The following RELCH variants were observed in gnomAD, a reference collection of about 807,000 sequenced individuals.
RELCH encodes RAB11 binding and LisH domain, coiled-coil and HEAT repeat containing, also known as RAB11-binding protein RELCH.
Under a neutral mutation model 150.3 loss-of-function variants are expected in RELCH, and 41 were observed. That is an observed-to-expected ratio of 0.27 (90% CI 0.21 to 0.35). The LOEUF (loss-of-function observed/expected upper bound fraction) is 0.35, where lower values mean the gene tolerates loss of function less well. Among genes scored for constraint, RELCH ranks in the 10% least tolerant of loss-of-function variants. The pLI, the probability that RELCH is intolerant of heterozygous loss-of-function variation, is 1.00. For missense variants in RELCH, 1,092 were observed against 1,467.8 expected (o/e 0.74, Z 4.18); for synonymous variants, 478 against 531.8 (o/e 0.90, Z 1.39).
At chr18:62,297,564 T>C (rs2045472092) in intron 27 of RELCH, among the ~76,000 whole-genome samples, 1 of 151,254 alleles carries the variant, frequency 6.6e-6, no homozygotes, top group Non-Finnish European at 1.5e-5. Context: ...GACAAGAGAG[T>C]GGGGAAGCAG....
intron 5 of RELCH, among the ~76,000 whole-genome samples, chr18:62,225,848 T>C (rs2041184959): frequency 6.6e-6 from 1 of 151,964 alleles, no homozygotes; most frequent in Admixed American, 6.6e-5. Flanking sequence ...GGCCAAGCAC[T>C]GTGTTAAGGC....
intron 26 of RELCH, among the ~76,000 whole-genome samples, 158 bp from the exon 27 acceptor site, chr18:62,291,385 A>G (rs1045982577): frequency 6.6e-6 from 1 of 152,202 alleles, no homozygotes; most frequent in Non-Finnish European, 1.5e-5. Context: ...TACTCTGCAA[A>G]TGAGGATTCA....
intron 10 of RELCH, 74 bp downstream of exon 10, chr18:62,232,501 T>G: frequency 1.2e-6 from 1 of 864,200 alleles, no homozygotes; most frequent in Non-Finnish European, 1.9e-6. Context: ...TGAAGTTGAG[T>G]GTTATATTTT....
chr18:62,237,145 A>G (rs1157541192), intron 10 of RELCH, among the ~76,000 whole-genome samples: 1 of 151,826 alleles, frequency 6.6e-6, no homozygotes, highest in Non-Finnish European at 1.5e-5. Flanking sequence ...TGTTGTAGTC[A>G]GAGAAATATT....
chr18:62,238,165 T>C (rs1465016573), intron 10 of RELCH, among the ~76,000 whole-genome samples: 3 of 151,906 alleles, frequency 2.0e-5, no homozygotes, highest in Admixed American at 6.6e-5. Context: ...TTTGAAATAA[T>C]GGTAGTCTCT....
rs149214989 is a variant in RELCH at position 62,205,158 on chromosome 18, C to T, written c.527-5995C>T. Among the ~76,000 whole-genome samples the T allele has an allele frequency of 2.6e-3, 400 of 152,218 alleles. 4 individuals carry two copies. The highest frequency in any genetic ancestry group is 8.0e-3 in the African/African-American group (333 of 41,538). ...TCAAATTAAGTTGCACATATCAGTA[C>T]GCTTAATACTTTATCATGCATGTCA... On this transcript the variant is annotated intron_variant, in intron 1 of 28. Coordinates refer to ENST00000644646, the MANE Select transcript of RELCH (RefSeq NM_001346231.2).
chr18:62,301,066 A>C (rs1174136670), intron 28 of RELCH: 1 of 152,236 alleles, frequency 6.6e-6, no homozygotes, highest in Admixed American at 6.5e-5. Flanking sequence ...AATGGTTCCA[A>C]GGATAAAGGA....
intron 12 of RELCH, 75 bp from the exon 13 acceptor site, chr18:62,255,332 G>C: frequency 1.0e-6 from 1 of 993,554 alleles, no homozygotes; most frequent in Non-Finnish European, 1.6e-6. Context: ...AGGATTTGTG[G>C]TGAAATGTAA....
chr18:62,293,807 C>G (rs1006333852), intron 27 of RELCH, among the ~76,000 whole-genome samples: 2 of 152,062 alleles, frequency 1.3e-5, no homozygotes, highest in African/African-American at 4.8e-5. Context: ...ATATGCCCCT[C>G]CCTAATCATG....
chr18:62,205,262 T>C (rs2039703796), intron 1 of RELCH, among the ~76,000 whole-genome samples: 2 of 152,214 alleles, frequency 1.3e-5, no homozygotes, highest in African/African-American at 4.8e-5. Context: ...AAATCTTAAG[T>C]GTACCATTTG....
chr18:62,300,072 T>C (rs2045596609), intron 28 of RELCH: 1 of 152,236 alleles, frequency 6.6e-6, no homozygotes, highest in Non-Finnish European at 1.5e-5. Context: ...CTTCAATCCA[T>C]AGATAGAATG....
intron 1 of RELCH, among the ~76,000 whole-genome samples, chr18:62,194,253 C>A (rs909073737): frequency 7.2e-5 from 11 of 152,032 alleles, no homozygotes; most frequent in Admixed American, 3.9e-4. Flanking sequence ...TCAAAAAAAA[C>A]CCCAAAAAAC....
intron 20 of RELCH, among the ~76,000 whole-genome samples, chr18:62,270,875 A>G (rs572913975): frequency 1.5e-4 from 22 of 151,094 alleles, no homozygotes; most frequent in Admixed American, 1.4e-3. Flanking sequence ...ATTCCCACCT[A>G]TGAGTGAGAA....
intron 10 of RELCH, among the ~76,000 whole-genome samples, chr18:62,243,375 A>G (rs969336325): frequency 3.3e-5 from 5 of 152,172 alleles, no homozygotes; most frequent in African/African-American, 9.6e-5. Context: ...ATCTACACAT[A>G]TGCTCTGTCT....
intron 27 of RELCH, among the ~76,000 whole-genome samples, chr18:62,295,188 TA>T (rs2045344171): frequency 6.6e-6 from 1 of 152,220 alleles, no homozygotes; most frequent in Admixed American, 6.5e-5. Context: ...ATTGACTCTG[TA>T]AATTAATTTG....
chr18:62,246,441 A>G (rs2042417286), intron 11 of RELCH: 1 of 152,182 alleles, frequency 6.6e-6, no homozygotes, highest in Non-Finnish European at 1.5e-5. Context: ...TTCTGGTTTA[A>G]GGTAGTGATA....
intron 9 of RELCH, among the ~76,000 whole-genome samples, chr18:62,231,586 TATTA>T (rs1164426672): frequency 6.6e-6 from 1 of 152,084 alleles, no homozygotes. Flanking sequence ...ACTGTTTATA[TATTA>T]ATTGTTTATT....
chr18:62,215,040 G>A (rs2040401907), intron 2 of RELCH, among the ~76,000 whole-genome samples: 1 of 152,082 alleles, frequency 6.6e-6, no homozygotes, highest in Admixed American at 6.5e-5. Context: ...CCCTTGGTTT[G>A]TTCTCTGAAC....
chr18:62,210,963 C>T (rs2040123526), intron 1 of RELCH, among the ~76,000 whole-genome samples, 190 bp from the exon 2 acceptor site: 1 of 152,092 alleles, frequency 6.6e-6, no homozygotes, highest in African/African-American at 2.4e-5. Flanking sequence ...GAGATTTGGG[C>T]AGGGAAACTT....
Sources: gnomAD v4.1 joint callset for allele counts (sites outside exome capture counted in the v4.1 genomes callset) on GRCh38, gnomAD v4.1.1 for gene constraint, MANE v1.5 for transcripts, NCBI Gene and HGNC (gene_info 2026-07-23, HGNC 2026-07-21) for gene names.